The following ZDHHC14 variants were observed in gnomAD, a reference collection of about 807,000 sequenced individuals.
ZDHHC14 encodes the protein zDHHC palmitoyltransferase 14.
In ZDHHC14, 16 loss-of-function variants were observed where a neutral mutation model predicts 47.7. The observed-to-expected ratio is 0.34, with a 90% CI of 0.23 to 0.51. ZDHHC14 has a LOEUF of 0.51. Ranked by LOEUF, ZDHHC14 falls within the 20% of genes least tolerant of loss-of-function variation. The probability of loss-of-function intolerance (pLI) is 0.97; values close to 1 mark genes in which losing one functional copy is unlikely to be tolerated. For synonymous variants in ZDHHC14, 293 were observed against 278.9 expected (o/e 1.05, Z -0.50); for missense variants, 515 against 662.5 (o/e 0.78, Z 2.44).
chr6:157,516,649 A>T (rs184710598), intron 1 of ZDHHC14, among the ~76,000 whole-genome samples: 128 of 152,352 alleles, frequency 8.4e-4, no homozygotes, highest in African/African-American at 2.9e-3. Flanking sequence ...CCATTGCAGT[A>T]TCCCAAGATG....
chr6:157,503,160 G>A (rs1042525066), intron 1 of ZDHHC14, among the ~76,000 whole-genome samples: 2 of 152,124 alleles, frequency 1.3e-5, no homozygotes, highest in East Asian at 3.9e-4. Context: ...CAGTGTGATC[G>A]GGGACTCTGG....
intron 1 of ZDHHC14, among the ~76,000 whole-genome samples, chr6:157,405,242 C>CT (rs564941120): frequency 4.6e-5 from 7 of 151,988 alleles, no homozygotes; most frequent in South Asian, 4.2e-4. Flanking sequence ...CAGGTGAGCT[C>CT]TTTTTTTTGA....
intron 1 of ZDHHC14, among the ~76,000 whole-genome samples, chr6:157,527,748 C>T (rs552730773): frequency 6.6e-6 from 1 of 152,172 alleles, no homozygotes; most frequent in African/African-American, 2.4e-5. Flanking sequence ...ATGTAACGGT[C>T]TCTCAGGAAG....
chr6:157,529,774 A>G (rs927632801), intron 1 of ZDHHC14, among the ~76,000 whole-genome samples: 1 of 152,252 alleles, frequency 6.6e-6, no homozygotes, highest in Non-Finnish European at 1.5e-5. Context: ...AAATGTGTAG[A>G]GTGCAAAACA....
chr6:157,423,786 T>C lies in ZDHHC14; in HGVS notation c.245+41520T>C, dbSNP rs558362106. Among the ~76,000 whole-genome samples the C allele has an allele frequency of 2.0e-5, 3 of 152,330 alleles. No homozygotes were observed. The South Asian group carries it at 6.2e-4, about 32-fold the overall frequency. ...CTGAGCCGATTTAAACTCTCACCAC[T>C]CCAGGTGCCATCTGTGGATTTGGAG... On this transcript the variant is annotated intron_variant, in intron 1 of 8. Transcript: ENST00000359775.
intron 2 of ZDHHC14, among the ~76,000 whole-genome samples, chr6:157,572,486 CT>C (rs965004501): frequency 1.2e-4 from 18 of 151,530 alleles, no homozygotes; most frequent in Non-Finnish European, 1.8e-4. Flanking sequence ...GAGGACTAAC[CT>C]TTTTTTTTAT....
Position 157,672,857 on chromosome 6 carries a change from G to T in ZDHHC14, c.1202G>T (p.Cys401Phe). ...GGGAAGCCTGGCCTGGGCACGCCCT[G>T]CGCCAGCCTCACACTGGGCCCGCCC... ...LPGKPGLGTP[C>F]ASLTLGPPTP... The change falls in exon 9 of 9, where the codon TGC becomes TTC. Residue 401 changes from cysteine to phenylalanine, a missense_variant. Physicochemically the swap from Cys to Phe is radical, Grantham distance 205. Coordinates refer to ENST00000359775, the MANE Select transcript of ZDHHC14 (RefSeq NM_024630.3). 1.2e-6 allele frequency: 2 copies of T among 1,609,718 alleles called. No individual in the cohort carries two copies.
chr6:157,413,712 G>C (rs866485855), intron 1 of ZDHHC14, among the ~76,000 whole-genome samples: 1 of 151,484 alleles, frequency 6.6e-6, no homozygotes, highest in Non-Finnish European at 1.5e-5. Context: ...TCTAAAGCCT[G>C]TCTCCATGGA....
At position 157,450,998 on chromosome 6, in the gene ZDHHC14, T is replaced by TTGTGTGTGTGTGTG. The variant is rs34066002; in HGVS notation, c.245+68752_245+68765dup. 7.8e-3 allele frequency among the ~76,000 whole-genome samples: 1,146 copies of TTGTGTGTGTGTGTG among 147,624 alleles called. 7 individuals are homozygous for TTGTGTGTGTGTGTG. Among genetic ancestry groups the TTGTGTGTGTGTGTG allele is most frequent in the Non-Finnish European group, 0.013 (859 of 66,844 alleles). On this transcript the variant is annotated intron_variant, in intron 1 of 8. Transcript: ENST00000359775. ...AAATTTTGATGTCAAAAGTCTGGTC[T>TTGTGTGTGTGTGTG]TGTGTGTGTGTGTGTGTGTGTGTGT...
At chr6:157,385,853 A>G (rs1777299089) in intron 1 of ZDHHC14, among the ~76,000 whole-genome samples, 1 of 152,224 alleles carries the variant, frequency 6.6e-6, no homozygotes, top group Non-Finnish European at 1.5e-5. Flanking sequence ...AGACCCTAAG[A>G]TTATTACTAG....
At chr6:157,643,463 C>T (rs1014472381) in intron 5 of ZDHHC14, among the ~76,000 whole-genome samples, 1 of 151,590 alleles carries the variant, frequency 6.6e-6, no homozygotes, top group African/African-American at 2.4e-5. Flanking sequence ...GCCTGGCCAA[C>T]ATGGTGAAAC....
chr6:157,660,190 T>C (rs1292569086), intron 8 of ZDHHC14, among the ~76,000 whole-genome samples: 413 of 146,158 alleles, frequency 2.8e-3, no homozygotes, highest in African/African-American at 6.0e-3. Context: ...CTTTTTTTCT[T>C]TTTTTTTTTT....
intron 1 of ZDHHC14, among the ~76,000 whole-genome samples, chr6:157,473,625 C>A (rs906867501): frequency 2.0e-5 from 3 of 152,072 alleles, no homozygotes; most frequent in African/African-American, 4.8e-5. Flanking sequence ...GTTGAGCATT[C>A]CTAATCCAAA....
At chr6:157,649,455 C>T (rs1364351118) in intron 7 of ZDHHC14, among the ~76,000 whole-genome samples, 1 of 152,210 alleles carries the variant, frequency 6.6e-6, no homozygotes, top group African/African-American at 2.4e-5. Flanking sequence ...TACCTTTGCC[C>T]CTCCCTCTCG....
At chr6:157,451,744 A>G (rs551699858) in intron 1 of ZDHHC14, among the ~76,000 whole-genome samples, 32 of 152,268 alleles carry the variant, frequency 2.1e-4, no homozygotes, top group Non-Finnish European at 4.0e-4. Context: ...TATTTTTAGT[A>G]GAGGTGGGTT....
chr6:157,446,630 G>A (rs1402778193), intron 1 of ZDHHC14, among the ~76,000 whole-genome samples: 10 of 151,676 alleles, frequency 6.6e-5, no homozygotes, highest in South Asian at 2.1e-4. Flanking sequence ...GGCTGGCCTC[G>A]AACTCCTGAC....
At chr6:157,480,262 T>TC (rs1779592417) in intron 1 of ZDHHC14, among the ~76,000 whole-genome samples, 2 of 149,354 alleles carry the variant, frequency 1.3e-5, no homozygotes, top group Admixed American at 6.7e-5. Context: ...GTTTTGGGTT[T>TC]TTTTTTTTTT....
At position 157,427,152 on chromosome 6, in the gene ZDHHC14, T is replaced by C. The variant is rs1377384789; in HGVS notation, c.245+44886T>C. On this transcript the variant is annotated intron_variant, in intron 1 of 8. Coordinates refer to ENST00000359775, the MANE Select transcript of ZDHHC14 (RefSeq NM_024630.3). This position sits in a 1 kb window ranked among gnomAD's most constrained non-coding sequence, Gnocchi z 4.4. Reference sequence around the variant, plus strand: ...GAGGGACAAGGCTCAGGCGTAGACCTGGAGGGGCATCGGGCCTGGGAGCAC... The same window carrying C: ...GAGGGACAAGGCTCAGGCGTAGACCCGGAGGGGCATCGGGCCTGGGAGCAC... Among the ~76,000 whole-genome samples, 1 of 150,860 alleles carries C rather than the reference T, an allele frequency of 6.6e-6. No individual in the cohort carries two copies. The highest frequency in any genetic ancestry group is 2.4e-5 in the African/African-American group (1 of 40,882).
chr6:157,442,731 C>T (rs1778585768), intron 1 of ZDHHC14, among the ~76,000 whole-genome samples: 1 of 152,256 alleles, frequency 6.6e-6, no homozygotes, highest in Non-Finnish European at 1.5e-5. Context: ...GCCCGCCCAG[C>T]AGACGCCTCC....
Sources: allele counts gnomAD v4.1 joint callset (sites outside exome capture counted in the v4.1 genomes callset), GRCh38; gene constraint gnomAD v4.1.1; non-coding constraint Gnocchi (gnomAD v3.1); transcripts MANE v1.5; gene names NCBI Gene and HGNC (gene_info 2026-07-23, HGNC 2026-07-21).